NEB: variants seen among roughly 807,000 people sequenced by gnomAD.
NEB encodes the protein nemaline myopathy type 2.
In NEB, 512 loss-of-function variants were observed where a neutral mutation model predicts 952.2. The ratio of observed to expected loss-of-function variants is 0.54; its 90% CI spans 0.50 to 0.58. The LOEUF is 0.58. Among genes scored for constraint, NEB ranks in the 20% least tolerant of loss-of-function variants. The pLI is 0.00. For missense variants in NEB, 8,428 were observed against 9,231.1 expected (o/e 0.91, Z 3.56); for synonymous variants, 2,900 against 3,149.8 (o/e 0.92, Z 2.66).
intron 153 of NEB, among the ~76,000 whole-genome samples, chr2:151,520,752 TACTC>T (rs1448776267): frequency 3.9e-5 from 6 of 152,166 alleles, no homozygotes; most frequent in African/African-American, 1.4e-4. Flanking sequence ...TAGTCTCAGC[TACTC>T]AGGAGGCTGA....
At chr2:151,572,050 A>G (rs1163202945) in intron 107 of NEB, among the ~76,000 whole-genome samples, 1 of 152,240 alleles carries the variant, frequency 6.6e-6, no homozygotes, top group African/African-American at 2.4e-5. Context: ...GGCTGGGTGC[A>G]GTGGCTTACG....
intron 46 of NEB, among the ~76,000 whole-genome samples, chr2:151,660,128 G>C (rs1210502192): frequency 6.6e-6 from 1 of 152,088 alleles, no homozygotes; most frequent in Non-Finnish European, 1.5e-5. Context: ...ATCGAAGTGG[G>C]GGTACAAAGA....
intron 181 of NEB, among the ~76,000 whole-genome samples, chr2:151,487,664 A>G (rs567845113): frequency 1.2e-3 from 179 of 152,286 alleles, no homozygotes; most frequent in African/African-American, 4.1e-3. Context: ...TGAGCATCCT[A>G]CCGTTTATCT....
intron 173 of NEB, chr2:151,495,407 G>C (rs1240576078): frequency 6.6e-6 from 1 of 152,078 alleles, no homozygotes; most frequent in African/African-American, 2.4e-5. Flanking sequence ...ACTAGAGCAG[G>C]ACCCAGCAAT....
In NEB at chr2:151,663,685, G is replaced by T. The variant is rs774721812; in HGVS notation, c.5626C>A (p.Leu1876Ile). The T allele has an allele frequency of 6.2e-7, 1 of 1,613,674 alleles. No individual in the cohort carries two copies. The highest frequency in any genetic ancestry group is 1.3e-5 in the African/African-American group (1 of 74,890). Residue 1876 changes from leucine (L) to isoleucine (I), a missense_variant, in exon 45 of 182, where the codon CTC (leucine) becomes ATC (isoleucine). Physicochemically the swap from Leu to Ile is conservative, Grantham distance 5. Around this residue, in one of 11 missense-constraint regions of NEB, gnomAD observed 2,851 missense variants for 2,791.5 expected, o/e 1.02. Coordinates refer to ENST00000397345, the MANE Select transcript of NEB (RefSeq NM_001164508.2). Reference sequence around the variant, plus strand: ...GACTTCTTGGCTGCCACCACACTGAGCATGTCCACCGGGGTGTGGAAGGAG... The same window carrying T: ...GACTTCTTGGCTGCCACCACACTGATCATGTCCACCGGGGTGTGGAAGGAG... ...KTSFHTPVDM[L>I]SVVAAKKSQE...
intron 135 of NEB, among the ~76,000 whole-genome samples, chr2:151,544,638 T>A (rs2094479394): frequency 6.6e-6 from 1 of 152,212 alleles, no homozygotes. Flanking sequence ...GAAAGCAAAT[T>A]GGCTCAATGT....
intron 78 of NEB, 95 bp downstream of exon 78, chr2:151,612,091 C>T: frequency 7.3e-7 from 1 of 1,361,334 alleles, no homozygotes; most frequent in Non-Finnish European, 1.0e-6. Flanking sequence ...CCTATGACAC[C>T]TCCTTTCTCA....
chr2:151,617,997 T>C (rs958194504), intron 74 of NEB, among the ~76,000 whole-genome samples: 2 of 152,070 alleles, frequency 1.3e-5, no homozygotes, highest in Non-Finnish European at 2.9e-5. Context: ...GAGGTGGAGG[T>C]TGCAGTGAGC....
rs576224678 is a variant in NEB at position 151,704,602 on chromosome 2, G to A, written c.1152+2279C>T. On this transcript the variant is annotated intron_variant, in intron 13 of 181. Transcript: ENST00000397345. ...AGCCGGTCAGAAAAGCGCAATATTC[G>A]GGAGGGAGTGACCCGATTTTCCAGG... Among the ~76,000 whole-genome samples, 489 of 152,080 alleles carry A rather than the reference G, an allele frequency of 3.2e-3. 4 individuals carry two copies. The highest frequency in any genetic ancestry group is 4.9e-3 in the Non-Finnish European group (330 of 68,020).
At chr2:151,526,325 C>T (rs2085867996) in intron 148 of NEB, 63 bp from the exon 149 acceptor site, 2 of 1,106,398 alleles carry the variant, frequency 1.8e-6, no homozygotes, top group Admixed American at 2.0e-5. Context: ...ATTTTTATTA[C>T]ACCCTCAAAC....
chr2:151,567,420 C>G lies in NEB; in HGVS notation c.17904G>C (p.Met5968Ile), dbSNP rs756259392. The part of the protein sequence containing the change: ...QKGHYVGVPT[M>I]RDDPKLVWFE... Reference sequence around the variant, plus strand: ...ACCAAACCAGCTTAGGATCATCTCTCATCGTCGGGACACCAACATAATGAC... The same window carrying G: ...ACCAAACCAGCTTAGGATCATCTCTGATCGTCGGGACACCAACATAATGAC... Residue 5968 changes from methionine (M) to isoleucine (I), a missense_variant, in exon 114 of 182, where the codon ATG becomes ATC. Physicochemically the swap from Met to Ile is conservative, Grantham distance 10. Coordinates refer to ENST00000397345, the MANE Select transcript of NEB (RefSeq NM_001164508.2). 6.2e-7 allele frequency: 1 copy of G among 1,613,688 alleles called. No individual in the cohort carries two copies. Among genetic ancestry groups the G allele is most frequent in the East Asian group, 2.2e-5 (1 of 44,820 alleles).
Position 151,663,732 on chromosome 2 carries a change from T to C in NEB, c.5579A>G (p.Lys1860Arg), listed in dbSNP as rs766275101. 10 of 1,613,716 alleles carry C rather than the reference T, an allele frequency of 6.2e-6. No homozygotes were observed. In the Admixed American group the frequency reaches 6.7e-5, roughly 11 times the overall value. ...GGAGGTCTTGGATTTCTCATATCCCTTCTTGTATTCCCGGTCTGACTGCAT... is the reference window on the plus strand; with the variant it reads ...GGAGGTCTTGGATTTCTCATATCCCCTCTTGTATTCCCGGTCTGACTGCAT... ...AKMQSDREYK[K>R]GYEKSKTSFH... The change falls in exon 45 of 182, where the codon AAG becomes AGG. Residue 1860 changes from lysine to arginine, a missense_variant. By Grantham distance (26) the Lys-to-Arg change is conservative (BLOSUM62 2). Transcript: ENST00000397345.
At chr2:151,504,577 T>C (rs540454943) in intron 165 of NEB, among the ~76,000 whole-genome samples, 1 of 152,292 alleles carries the variant, frequency 6.6e-6, no homozygotes, top group South Asian at 2.1e-4. Flanking sequence ...AAGAGAAATA[T>C]CAAGTATCCT....
chr2:151,679,696 C>T (rs775287480), intron 32 of NEB, 25 bp downstream of exon 32: 3 of 1,358,472 alleles, frequency 2.2e-6, no homozygotes. Context: ...TCTAGTTGCC[C>T]ATGTATGACC....
intron 161 of NEB, 62 bp from the exon 162 acceptor site, chr2:151,508,171 C>A: frequency 9.1e-7 from 1 of 1,103,774 alleles, no homozygotes; most frequent in Non-Finnish European, 1.3e-6. Context: ...CCAATGGGAC[C>A]TAAAATAGGC....
intron 161 of NEB, among the ~76,000 whole-genome samples, chr2:151,509,181 A>G (rs939609563): frequency 2.6e-5 from 4 of 152,186 alleles, no homozygotes; most frequent in Non-Finnish European, 5.9e-5. Flanking sequence ...GTTTCAGCCA[A>G]TGAGAGATGT....
intron 13 of NEB, among the ~76,000 whole-genome samples, chr2:151,702,855 A>T (rs972518068): frequency 3.9e-5 from 6 of 151,908 alleles, no homozygotes; most frequent in Non-Finnish European, 4.4e-5. Context: ...TTGGAGCATT[A>T]AGTCCATTTA....
At chr2:151,670,334 C>G (rs1191293848) in intron 38 of NEB, among the ~76,000 whole-genome samples, 1 of 152,182 alleles carries the variant, frequency 6.6e-6, no homozygotes. Context: ...CCGTCTCTTT[C>G]TGGTGGAGGC....
Position 151,627,777 on chromosome 2 carries a change from T to C in NEB, c.9889A>G (p.Ile3297Val), listed in dbSNP as rs1245785481. 31 of 1,613,998 alleles carry C rather than the reference T, an allele frequency of 1.9e-5. No individual in the cohort carries two copies. The highest frequency in any genetic ancestry group is 2.6e-5 in the Non-Finnish European group (31 of 1,179,876). Reference protein sequence around the residue: ...QLGHHIGARNIEDDPKMMWSM... With the variant: ...QLGHHIGARNVEDDPKMMWSM... ...CACATCATCTTGGGGTCATCTTCAA[T>C]GTTCCGGGCTCCAATGTGGTGGCCG... Residue 3297 changes from isoleucine (I) to valine (V), a missense_variant, in exon 69 of 182, where the codon ATT becomes GTT. Around this residue, in one of 11 missense-constraint regions of NEB, gnomAD observed 1,772 missense variants for 1,960.3 expected, o/e 0.90. Transcript: ENST00000397345.
Sources: gnomAD v4.1 joint callset for allele counts (sites outside exome capture counted in the v4.1 genomes callset) on GRCh38, gnomAD v4.1.1 for gene constraint, gnomAD v4.1.1 regional missense constraint, MANE v1.5 for transcripts, NCBI Gene and HGNC (gene_info 2026-07-23, HGNC 2026-07-21) for gene names.